Variants in TSC22D1 observed in about 807,000 individuals in gnomAD.
The protein encoded by TSC22D1 is TSC22 domain family protein 1.
A neutral mutation model predicts 74.2 loss-of-function variants in TSC22D1; 9 were observed. The observed-to-expected ratio is 0.12, with a 90% CI of 0.07 to 0.21. TSC22D1 has a LOEUF of 0.21. Ranked by LOEUF, TSC22D1 falls within the 10% of genes least tolerant of loss-of-function variation. The probability of loss-of-function intolerance (pLI) is 1.00; values close to 1 mark genes in which losing one functional copy is unlikely to be tolerated. For synonymous variants in TSC22D1, 586 were observed against 492.5 expected (o/e 1.19, Z -2.51); for missense variants, 1,427 against 1,304.7 (o/e 1.09, Z -1.44).
intron 1 of TSC22D1, among the ~76,000 whole-genome samples, chr13:44,473,804 T>G (rs1877743663): frequency 6.6e-6 from 1 of 152,234 alleles, no homozygotes; most frequent in Admixed American, 6.5e-5. Flanking sequence ...AATTATAGAC[T>G]AATTAAGCTA....
chr13:44,551,756 CTGGG>C (rs1882294693), intron 1 of TSC22D1, among the ~76,000 whole-genome samples: 1 of 151,760 alleles, frequency 6.6e-6, no homozygotes, highest in South Asian at 2.1e-4. Context: ...TTGACATAGG[CTGGG>C]TACAGTGGTT....
At chr13:44,500,168 A>G (rs1275134592) in intron 1 of TSC22D1, among the ~76,000 whole-genome samples, 1 of 151,650 alleles carries the variant, frequency 6.6e-6, no homozygotes, top group African/African-American at 2.4e-5. Context: ...AAACTTCCTC[A>G]TATGCAATCT....
intron 1 of TSC22D1, among the ~76,000 whole-genome samples, chr13:44,559,522 A>G (rs898528631): frequency 2.6e-5 from 4 of 152,094 alleles, no homozygotes; most frequent in Non-Finnish European, 5.9e-5. Flanking sequence ...ACCAAGAAAA[A>G]AAATTAACTT....
At chr13:44,509,532 C>T (rs1181690650) in intron 1 of TSC22D1, among the ~76,000 whole-genome samples, 3 of 152,128 alleles carry the variant, frequency 2.0e-5, no homozygotes, top group African/African-American at 7.2e-5. Context: ...CCCAGCTACT[C>T]AGGAGGCTGA....
At chr13:44,560,639 A>T (rs1314348960) in intron 1 of TSC22D1, among the ~76,000 whole-genome samples, 2 of 152,232 alleles carry the variant, frequency 1.3e-5, no homozygotes, top group Non-Finnish European at 2.9e-5. Flanking sequence ...TTATTTTAGA[A>T]CAGGAAAAAA....
intron 1 of TSC22D1, among the ~76,000 whole-genome samples, chr13:44,513,948 A>G (rs965719432): frequency 4.6e-5 from 7 of 152,224 alleles, no homozygotes; most frequent in Non-Finnish European, 1.0e-4. Context: ...ATGTAGTAGA[A>G]AAGTTGCTAA....
chr13:44,559,557 C>A (rs1882899867), intron 1 of TSC22D1, among the ~76,000 whole-genome samples: 1 of 152,070 alleles, frequency 6.6e-6, no homozygotes, highest in South Asian at 2.1e-4. Flanking sequence ...CAGGGTCTCA[C>A]TTGGTCACCC....
chr13:44,461,612 A>G (rs1876999607), intron 1 of TSC22D1, among the ~76,000 whole-genome samples: 1 of 152,238 alleles, frequency 6.6e-6, no homozygotes, highest in Non-Finnish European at 1.5e-5. Context: ...AAATGTCCAA[A>G]ACAGAGGCAG....
chr13:44,537,503 C>T (rs567528975), intron 1 of TSC22D1: 9 of 985,062 alleles, frequency 9.1e-6, no homozygotes, highest in South Asian at 4.7e-5. Context: ...CCACACAAAG[C>T]GGTTTCTACT....
intron 1 of TSC22D1, chr13:44,436,536 C>T (rs961479521): frequency 1.2e-6 from 2 of 1,614,138 alleles, no homozygotes; most frequent in Admixed American, 1.7e-5. Flanking sequence ...CGTTTTCAGT[C>T]CCCAGCAAGG....
At position 44,521,762 on chromosome 13, in the gene TSC22D1, C is replaced by T. The variant is rs555459942; in HGVS notation, c.2912+51401G>A. On this transcript the variant is annotated intron_variant, in intron 1 of 2. Coordinates refer to ENST00000458659, the MANE Select transcript of TSC22D1 (RefSeq NM_183422.4). ...AAGTTCACACACTTGAGGAAGAATC[C>T]GAAAGATTTTTCTTTCTTAACCTTT... 7.9e-5 allele frequency among the ~76,000 whole-genome samples: 12 copies of T among 151,816 alleles called. No homozygotes were observed. In the South Asian group the frequency reaches 2.1e-3, roughly 26 times the overall value.
Position 44,434,700 on chromosome 13 carries a change from CA to C in TSC22D1, c.3147del (p.Ala1050ProfsTer37), listed in dbSNP as rs772666171. On this transcript the variant is annotated frameshift_variant, in exon 3 of 3. Coordinates refer to ENST00000458659, the MANE Select transcript of TSC22D1 (RefSeq NM_183422.4). LOFTEE classifies it high-confidence loss of function. ...GTGGTGCCCTGTGGCTGGGTGGTGG[CA>C]GGGGGGGAGCCAGTCTGCAGCTGGG... ...FQAQLQTGSPPATTQPQGTTQ... is the reference protein window; with the variant it reads ...FQAQLQTGSPXATTQPQGTTQ... 8 of 1,610,054 alleles carry C rather than the reference CA, an allele frequency of 5.0e-6. No individual in the cohort carries two copies. The highest frequency in any genetic ancestry group is 2.2e-5 in the South Asian group (2 of 90,694).
At chr13:44,544,145 C>T (rs372658718) in intron 1 of TSC22D1, among the ~76,000 whole-genome samples, 3 of 151,854 alleles carry the variant, frequency 2.0e-5, no homozygotes, top group South Asian at 4.2e-4. Context: ...TTTTTGGGGT[C>T]GTCAACTTCT....
In TSC22D1 at chr13:44,576,054, G is replaced by T; in HGVS notation, c.21C>A (p.Ser7=). MHQPPE[S]TAAAAAAADI... is the part of the protein sequence containing the mutation. ...CTGCAGCGGCGGCGGCCGCGGCGGT[G>T]GACTCAGGCGGCTGGTGCATTGTGT... Residue 7 remains serine (S), a synonymous_variant, in exon 1 of 3, where the codon TCC becomes TCA. Coordinates refer to ENST00000458659, the MANE Select transcript of TSC22D1 (RefSeq NM_183422.4). 1 of 1,564,274 alleles carries T rather than the reference G, an allele frequency of 6.4e-7. No individual in the cohort carries two copies. Among genetic ancestry groups the T allele is most frequent in the Non-Finnish European group, 8.6e-7 (1 of 1,157,488 alleles).
At chr13:44,539,232 T>C (rs1881322691) in intron 1 of TSC22D1, 1 of 985,280 alleles carries the variant, frequency 1.0e-6, no homozygotes, top group Non-Finnish European at 1.2e-6. Flanking sequence ...TATTAAAGAA[T>C]GGAGCCTAGA....
chr13:44,487,846 C>T (rs551882595), intron 1 of TSC22D1, among the ~76,000 whole-genome samples: 36 of 152,142 alleles, frequency 2.4e-4, no homozygotes, highest in African/African-American at 8.7e-4. Flanking sequence ...CACTTCAGGC[C>T]AGGAGTTTGA....
chr13:44,461,734 C>T (rs1484928423), intron 1 of TSC22D1, among the ~76,000 whole-genome samples: 1 of 152,062 alleles, frequency 6.6e-6, no homozygotes, highest in East Asian at 1.9e-4. Flanking sequence ...CTTCTAATCC[C>T]CCAAAACACT....
rs1884104073 is a variant in TSC22D1 at position 44,574,998 on chromosome 13, A to T, written c.1077T>A (p.Val359=). 2 of 1,614,116 alleles carry T rather than the reference A, an allele frequency of 1.2e-6. No individual in the cohort carries two copies. The highest frequency in any genetic ancestry group is 1.7e-6 in the Non-Finnish European group (2 of 1,180,032). The change falls in exon 1 of 3, where the codon GTT becomes GTA. Residue 359 remains valine (V), a synonymous_variant. Transcript: ENST00000458659. The part of the protein sequence containing the change: ...VSVGPGVTSG[V]NVNILSGMGN... Reference sequence around the variant, plus strand: ...CCATGCCACTCAAGATATTCACATTAACACCACTGGTAACTCCAGGCCCAA... The same window carrying T: ...CCATGCCACTCAAGATATTCACATTTACACCACTGGTAACTCCAGGCCCAA...
intron 1 of TSC22D1, among the ~76,000 whole-genome samples, chr13:44,477,790 G>A (rs1877990245): frequency 1.3e-5 from 2 of 151,880 alleles, no homozygotes; most frequent in Admixed American, 6.6e-5. Context: ...TTACAGGCGG[G>A]TGCCACCACG....
Sources: allele counts gnomAD v4.1 joint callset (sites outside exome capture counted in the v4.1 genomes callset), GRCh38; gene constraint gnomAD v4.1.1; transcripts MANE v1.5; gene names NCBI Gene and HGNC (gene_info 2026-07-23, HGNC 2026-07-21).